CSMD1: variants seen among roughly 807,000 people sequenced by gnomAD.
CSMD1 encodes the protein CUB and Sushi multiple domains 1, also known as CUB and sushi domain-containing protein 1.
A neutral mutation model predicts 417.5 loss-of-function variants in CSMD1; 213 were observed. The ratio of observed to expected loss-of-function variants is 0.51; its 90% CI spans 0.46 to 0.57. The LOEUF (loss-of-function observed/expected upper bound fraction) is 0.57. CSMD1 is among the 20% of genes least tolerant of loss of function. The probability of loss-of-function intolerance (pLI) is 0.00; values close to 1 mark genes in which losing one functional copy is unlikely to be tolerated. For synonymous variants in CSMD1, 2,862 were observed against 1,736.8 expected (o/e 1.65, Z -16.11); for missense variants, 6,923 against 4,529.7 (o/e 1.53, Z -15.17).
At chr8:4,180,844 A>G (rs182777900) in intron 3 of CSMD1, among the ~76,000 whole-genome samples, 138 of 152,268 alleles carry the variant, frequency 9.1e-4, no homozygotes, top group African/African-American at 2.8e-3. Flanking sequence ...AACAATTATG[A>G]TATTTAAAAG....
intron 50 of CSMD1, chr8:3,043,818 G>C (rs756212391): frequency 1.6e-4 from 24 of 152,294 alleles, no homozygotes; most frequent in Non-Finnish European, 3.2e-4. Context: ...AGTGACAAGA[G>C]GTATGGACAG....
chr8:4,335,992 C>CT (rs1383752169), intron 3 of CSMD1, among the ~76,000 whole-genome samples: 1 of 152,140 alleles, frequency 6.6e-6, no homozygotes, highest in African/African-American at 2.4e-5. Context: ...GTCAGCCCCG[C>CT]TCACTGTCAA....
chr8:4,854,183 A>C (rs1432801673), intron 1 of CSMD1, among the ~76,000 whole-genome samples: 3 of 152,150 alleles, frequency 2.0e-5, no homozygotes, highest in Non-Finnish European at 4.4e-5. Context: ...GCAATGTGAG[A>C]AGGGCATGAG....
chr8:3,064,728 A>G (rs986538087), intron 49 of CSMD1, among the ~76,000 whole-genome samples: 3 of 152,194 alleles, frequency 2.0e-5, no homozygotes, highest in African/African-American at 4.8e-5. Context: ...AAATCCTTAC[A>G]TGGTTTTGCA....
rs1807691878 is a variant in CSMD1 at position 4,703,129 on chromosome 8, T to C, written c.86-65571A>G. ...GCATATTATATAATATTTAATTAGATGCAATATCTGGCAGAAAAAAGTATG... is the reference window on the plus strand; with the variant it reads ...GCATATTATATAATATTTAATTAGACGCAATATCTGGCAGAAAAAAGTATG... On this transcript the variant is annotated intron_variant, in intron 1 of 69. Coordinates refer to ENST00000635120, the MANE Select transcript of CSMD1 (RefSeq NM_033225.6). Among the ~76,000 whole-genome samples the C allele has an allele frequency of 2.0e-5, 3 of 152,222 alleles. No individual in the cohort carries two copies. In the South Asian group the frequency reaches 6.2e-4, roughly 31 times the overall value.
intron 26 of CSMD1, among the ~76,000 whole-genome samples, chr8:3,232,148 A>T (rs552600376): frequency 6.6e-6 from 1 of 152,142 alleles, no homozygotes; most frequent in Non-Finnish European, 1.5e-5. Context: ...TTCTTCCTCC[A>T]CTTCAGGGGA....
intron 3 of CSMD1, among the ~76,000 whole-genome samples, chr8:4,071,822 G>A (rs893305938): frequency 4.3e-4 from 66 of 152,130 alleles, no homozygotes; most frequent in African/African-American, 1.5e-3. Flanking sequence ...AAAACTTCCT[G>A]TTGTGGGGGG....
intron 7 of CSMD1, among the ~76,000 whole-genome samples, chr8:3,646,598 G>C (rs1397906727): frequency 3.9e-5 from 6 of 152,302 alleles, no homozygotes; most frequent in East Asian, 1.9e-4. Context: ...GCCCAAAGTA[G>C]CAGTCAGGGA....
intron 1 of CSMD1, among the ~76,000 whole-genome samples, chr8:4,920,776 T>C (rs1322502608): frequency 6.6e-6 from 1 of 151,308 alleles, no homozygotes; most frequent in African/African-American, 2.4e-5. Flanking sequence ...CAAGCCAAGA[T>C]TGTGCCATTG....
intron 2 of CSMD1, among the ~76,000 whole-genome samples, chr8:4,569,550 T>G (rs959534382): frequency 2.6e-5 from 4 of 152,220 alleles, no homozygotes; most frequent in Non-Finnish European, 5.9e-5. Flanking sequence ...ACTCTTGTCT[T>G]GTAATATAGT....
intron 5 of CSMD1, among the ~76,000 whole-genome samples, chr8:3,945,258 A>C (rs1490873965): frequency 6.6e-6 from 1 of 151,986 alleles, no homozygotes; most frequent in Non-Finnish European, 1.5e-5. Context: ...ATATAAGCTG[A>C]ACAATACATT....
At chr8:3,008,432 G>A (rs1808128432) in intron 52 of CSMD1, among the ~76,000 whole-genome samples, 1 of 152,212 alleles carries the variant, frequency 6.6e-6, no homozygotes, top group South Asian at 2.1e-4. Context: ...GGGAGAGCAG[G>A]GGCCTCCGCA....
At chr8:4,052,766 G>C (rs553802188) in intron 3 of CSMD1, among the ~76,000 whole-genome samples, 2 of 152,008 alleles carry the variant, frequency 1.3e-5, no homozygotes, top group Non-Finnish European at 2.9e-5. Context: ...AAAAAAATGG[G>C]ATATCTGAGG....
intron 41 of CSMD1, among the ~76,000 whole-genome samples, chr8:3,121,561 T>G (rs1271285155): frequency 1.3e-5 from 2 of 152,156 alleles, no homozygotes. Flanking sequence ...AGAAACCCAC[T>G]GGATTATGTC....
chr8:3,294,965 C>A (rs1415023353), intron 25 of CSMD1, among the ~76,000 whole-genome samples: 1 of 152,034 alleles, frequency 6.6e-6, no homozygotes, highest in Non-Finnish European at 1.5e-5. Flanking sequence ...CATCTTGGCT[C>A]CACCCATCCC....
At chr8:3,511,936 G>A (rs1797091795) in intron 10 of CSMD1, among the ~76,000 whole-genome samples, 1 of 151,018 alleles carries the variant, frequency 6.6e-6, no homozygotes, top group East Asian at 1.9e-4. Context: ...GTTATATGAT[G>A]ATTTTTGGTA....
chr8:4,627,709 G>A (rs751656643), intron 2 of CSMD1, among the ~76,000 whole-genome samples: 8 of 152,074 alleles, frequency 5.3e-5, no homozygotes, highest in East Asian at 1.9e-4. Context: ...CCTCTGCCCC[G>A]CCAAAAAAAT....
chr8:4,070,334 T>C lies in CSMD1; in HGVS notation c.416-38235A>G, dbSNP rs544116595. On this transcript the variant is annotated intron_variant, in intron 3 of 69. Coordinates refer to ENST00000635120, the MANE Select transcript of CSMD1 (RefSeq NM_033225.6). ...ACTTTAAAGAAACTCAGAGAAAATG[T>C]CTTCTTATATTAACCAAAATATTTA... 9.9e-5 allele frequency among the ~76,000 whole-genome samples: 15 copies of C among 152,246 alleles called. No individual in the cohort carries two copies. The South Asian group carries it at 1.5e-3, about 15-fold the overall frequency.
At chr8:3,939,564 C>G (rs554007772) in intron 5 of CSMD1, among the ~76,000 whole-genome samples, 1 of 152,196 alleles carries the variant, frequency 6.6e-6, no homozygotes, top group African/African-American at 2.4e-5. Flanking sequence ...GGCACATGCA[C>G]AAGCATGTTT....
Sources: allele counts gnomAD v4.1 joint callset (sites outside exome capture counted in the v4.1 genomes callset), GRCh38; gene constraint gnomAD v4.1.1; transcripts MANE v1.5; gene names NCBI Gene and HGNC (gene_info 2026-07-23, HGNC 2026-07-21).